The following EYS variants were observed in gnomAD, a reference collection of about 807,000 sequenced individuals.
EYS encodes the protein protein eyes shut homolog.
A neutral mutation model predicts 282.1 loss-of-function variants in EYS; 250 were observed. That is an observed-to-expected ratio of 0.89 (90% CI 0.80 to 0.98). The LOEUF (loss-of-function observed/expected upper bound fraction) is 0.98, where lower values mean the gene tolerates loss of function less well. Among genes scored for constraint, EYS ranks in the 50% least tolerant of loss-of-function variants. The pLI, the probability that EYS is intolerant of heterozygous loss-of-function variation, is 0.00. For missense variants in EYS, 4,016 were observed against 3,709.0 expected (o/e 1.08, Z -2.15); for synonymous variants, 1,355 against 1,282.9 (o/e 1.06, Z -1.20).
chr6:64,147,862 C>A (rs1180620487), intron 31 of EYS, among the ~76,000 whole-genome samples: 1 of 152,146 alleles, frequency 6.6e-6, no homozygotes, highest in Non-Finnish European at 1.5e-5. Flanking sequence ...AGATGGAGTG[C>A]AGCTTCCCTG....
chr6:64,129,662 T>G (rs1165419170), intron 31 of EYS, among the ~76,000 whole-genome samples: 2 of 152,338 alleles, frequency 1.3e-5, no homozygotes, highest in South Asian at 4.1e-4. Flanking sequence ...ATTTTGGCTT[T>G]TGTTGCCATT....
At position 63,972,440 on chromosome 6, in the gene EYS, T is replaced by C. The variant is rs114957782; in HGVS notation, c.7055+11943A>G. Among the ~76,000 whole-genome samples, 1,495 of 152,332 alleles carry C rather than the reference T, an allele frequency of 9.8e-3. 22 individuals are homozygous for C. Among genetic ancestry groups the C allele is most frequent in the East Asian group, 0.036 (186 of 5,188 alleles). On this transcript the variant is annotated intron_variant, in intron 35 of 42. Coordinates refer to ENST00000503581, the MANE Select transcript of EYS (RefSeq NM_001142800.2). ...ACATACCTCTTGACTGTTAGAGTAA[T>C]CTAAAATGATGAAGCTATAATTTTT...
At chr6:65,549,059 C>T (rs1768502842) in intron 2 of EYS, among the ~76,000 whole-genome samples, 1 of 152,124 alleles carries the variant, frequency 6.6e-6, no homozygotes, top group Non-Finnish European at 1.5e-5. Context: ...TCTAATGCGC[C>T]CCTGACCTGA....
intron 36 of EYS, chr6:63,857,668 G>T: frequency 2.2e-6 from 1 of 448,420 alleles, no homozygotes. Context: ...TGCTACTCAA[G>T]CACTACTTGT....
intron 22 of EYS, among the ~76,000 whole-genome samples, chr6:64,647,583 C>A (rs368444389): frequency 2.0e-5 from 3 of 152,120 alleles, no homozygotes; most frequent in African/African-American, 7.2e-5. Context: ...CAATGATTAT[C>A]ACTTTGTGGC....
At chr6:64,283,423 G>A (rs373484407) in intron 30 of EYS, among the ~76,000 whole-genome samples, 1 of 152,158 alleles carries the variant, frequency 6.6e-6, no homozygotes, top group East Asian at 1.9e-4. Context: ...TGATGGCAAA[G>A]ATTTTAGTTA....
intron 34 of EYS, among the ~76,000 whole-genome samples, chr6:63,994,079 A>G (rs1054453049): frequency 2.0e-5 from 3 of 152,028 alleles, no homozygotes; most frequent in Admixed American, 1.3e-4. Flanking sequence ...CTGGCTATTC[A>G]CATGCAAAAG....
chr6:63,962,364 A>C (rs1202944119), intron 35 of EYS, among the ~76,000 whole-genome samples: 1 of 152,212 alleles, frequency 6.6e-6, no homozygotes, highest in Middle Eastern at 3.2e-3. Context: ...TACTCATCTG[A>C]CAAAGGGCTA....
intron 41 of EYS, among the ~76,000 whole-genome samples, chr6:63,759,454 T>G (rs563559207): frequency 6.6e-6 from 1 of 152,270 alleles, no homozygotes; most frequent in African/African-American, 2.4e-5. Context: ...TTATATACAT[T>G]TCACTTTCTC....
At chr6:65,555,612 C>G (rs1031768308) in intron 2 of EYS, among the ~76,000 whole-genome samples, 1 of 152,070 alleles carries the variant, frequency 6.6e-6, no homozygotes, top group East Asian at 1.9e-4. Flanking sequence ...CTTACAGAAG[C>G]TGGTTCAAAT....
intron 26 of EYS, among the ~76,000 whole-genome samples, chr6:64,512,943 TAAAG>T (rs892898099): frequency 1.7e-4 from 26 of 151,410 alleles, no homozygotes; most frequent in African/African-American, 5.1e-4. Flanking sequence ...TTCTGAAAAA[TAAAG>T]AGAGTTTGAA....
chr6:64,844,311 A>T (rs1473327450), intron 19 of EYS, among the ~76,000 whole-genome samples: 1 of 150,756 alleles, frequency 6.6e-6, no homozygotes, highest in Non-Finnish European at 1.5e-5. Context: ...CACTATGATA[A>T]ATGAGTGAGA....
At chr6:64,258,739 G>T (rs1038891366) in intron 30 of EYS, among the ~76,000 whole-genome samples, 1 of 151,922 alleles carries the variant, frequency 6.6e-6, no homozygotes, top group African/African-American at 2.4e-5. Flanking sequence ...TTTTTTAAAC[G>T]TAAAGTTCAT....
chr6:63,754,998 G>A (rs1389953442), intron 41 of EYS, among the ~76,000 whole-genome samples: 5 of 152,164 alleles, frequency 3.3e-5, no homozygotes, highest in African/African-American at 2.4e-5. Flanking sequence ...CTTTTATGAA[G>A]TGTCTGTTCA....
chr6:65,382,213 G>GTTTTTTTTTTTTTTTTTTTTT (rs67123749), intron 8 of EYS, among the ~76,000 whole-genome samples: 3 of 105,016 alleles, frequency 2.9e-5, no homozygotes, highest in African/African-American at 3.7e-5. Context: ...ATCCTTTGGT[G>GTTTTTTTTTTTTTTTTTTTTT]TTTTTTTTTT....
chr6:64,512,128 T>TAC lies in EYS; in HGVS notation c.5645-72778_5645-72777dup, dbSNP rs371988612. Among the ~76,000 whole-genome samples, 607 of 152,210 alleles carry TAC rather than the reference T, an allele frequency of 4.0e-3. 5 individuals carry two copies. The highest frequency in any genetic ancestry group is 0.014 in the African/African-American group (573 of 41,546). The stretch of plus-strand genomic sequence containing the variant: ...ATGCACACATACATACATGCATATA[T>TAC]ACACACATATACACATACATATGTG... On this transcript the variant is annotated intron_variant, in intron 26 of 42. Transcript: ENST00000503581.
intron 40 of EYS, among the ~76,000 whole-genome samples, chr6:63,769,408 C>T (rs1280763766): frequency 2.0e-5 from 3 of 151,904 alleles, no homozygotes; most frequent in Non-Finnish European, 2.9e-5. Context: ...ACCTGGCATA[C>T]AATACCTAAG....
chr6:64,609,654 C>T lies in EYS; in HGVS notation c.3684+7764G>A, dbSNP rs1767046419. On this transcript the variant is annotated intron_variant, in intron 24 of 42. Transcript: ENST00000503581. ...ATCCCAGCATTTTGGGAGGCTGAAG[C>T]AGGACGGGTGCTTGAGGCCAGGAGT... 2.6e-5 allele frequency among the ~76,000 whole-genome samples: 4 copies of T among 151,310 alleles called. No homozygotes were observed. The Middle Eastern group carries it at 0.014, about 515-fold the overall frequency.
chr6:65,505,719 C>T (rs2127281544), intron 2 of EYS, among the ~76,000 whole-genome samples: 1 of 152,172 alleles, frequency 6.6e-6, no homozygotes, highest in Admixed American at 6.6e-5. Context: ...CTTTCTTTTA[C>T]TGAATCCTAC....
Sources: allele counts gnomAD v4.1 joint callset (sites outside exome capture counted in the v4.1 genomes callset), GRCh38; gene constraint gnomAD v4.1.1; transcripts MANE v1.5; gene names NCBI Gene and HGNC (gene_info 2026-07-23, HGNC 2026-07-21).